Variants in C4orf50 observed in about 807,000 individuals in gnomAD.
C4orf50 encodes uncharacterized protein C4orf50.
In C4orf50, 80 loss-of-function variants were observed where a neutral mutation model predicts 77.2. The ratio of observed to expected loss-of-function variants is 1.04; its 90% confidence interval spans 0.87 to 1.25. The LOEUF is 1.25. C4orf50 is among the 50% of genes most tolerant of loss of function. The pLI is 0.00. For synonymous variants in C4orf50, 532 were observed against 465.3 expected (o/e 1.14, Z -1.84); for missense variants, 1,257 against 1,152.9 (o/e 1.09, Z -1.31).
At chr4:5,911,413 A>T (rs1716802866) in intron 7 of C4orf50, among the ~76,000 whole-genome samples, 1 of 152,186 alleles carries the variant, frequency 6.6e-6, no homozygotes, top group African/African-American at 2.4e-5. Flanking sequence ...TTACAATGAG[A>T]CTTGCTAGAA....
At chr4:5,938,842 T>G (rs1410308786) in intron 7 of C4orf50, among the ~76,000 whole-genome samples, 4 of 152,078 alleles carry the variant, frequency 2.6e-5, no homozygotes, top group South Asian at 2.1e-4. Context: ...TTTTCCACCT[T>G]TGCTTTCCCC....
chr4:5,917,966 C>T (rs576073755), intron 7 of C4orf50, among the ~76,000 whole-genome samples: 3 of 152,056 alleles, frequency 2.0e-5, no homozygotes, highest in Non-Finnish European at 4.4e-5. Flanking sequence ...ATCAGAGAGC[C>T]GGGGACTGGC....
chr4:6,013,927 G>C (rs1368523399), intron 23 of C4orf50, among the ~76,000 whole-genome samples: 1 of 152,044 alleles, frequency 6.6e-6, no homozygotes, highest in Non-Finnish European at 1.5e-5. Context: ...ATATGACATA[G>C]ACAGTGAAGG....
intron 25 of C4orf50, among the ~76,000 whole-genome samples, chr4:5,999,504 C>A (rs1399483224): frequency 6.6e-6 from 1 of 152,218 alleles, no homozygotes; most frequent in Non-Finnish European, 1.5e-5. Flanking sequence ...ACCATTTCCC[C>A]ATTTCTATGC....
At chr4:5,956,239 C>G (rs1212608111), downstream of C4orf50, among the ~76,000 whole-genome samples, 2 of 152,174 alleles carry the variant, frequency 1.3e-5, no homozygotes, top group Non-Finnish European at 2.9e-5. Flanking sequence ...CCAACCCTAC[C>G]TGGGCTTTTG....
chr4:5,918,461 T>G (rs1717125665), intron 7 of C4orf50, among the ~76,000 whole-genome samples: 1 of 152,190 alleles, frequency 6.6e-6, no homozygotes. Flanking sequence ...CCTCCCACAG[T>G]TAAGGATTTG....
At chr4:6,003,359 T>C (rs892872825) in intron 25 of C4orf50, among the ~76,000 whole-genome samples, 2 of 152,104 alleles carry the variant, frequency 1.3e-5, no homozygotes, top group African/African-American at 4.8e-5. Context: ...GTGTAGGTAG[T>C]GAGGGTGATT....
At chr4:5,976,815 G>A (rs1012401917) in intron 29 of C4orf50, among the ~76,000 whole-genome samples, 4 of 152,238 alleles carry the variant, frequency 2.6e-5, no homozygotes, top group Non-Finnish European at 2.9e-5. Context: ...ACTATTAGGC[G>A]CAGATGAAAG....
intron 23 of C4orf50, among the ~76,000 whole-genome samples, chr4:6,012,349 C>A (rs1162060601): frequency 6.6e-6 from 1 of 152,142 alleles, no homozygotes; most frequent in Non-Finnish European, 1.5e-5. Flanking sequence ...GCTACCCTTA[C>A]TTCACACATG....
chr4:5,998,652 C>T (rs1372001283), intron 25 of C4orf50, among the ~76,000 whole-genome samples: 1 of 152,202 alleles, frequency 6.6e-6, no homozygotes, highest in Non-Finnish European at 1.5e-5. Context: ...CATCTCTCTG[C>T]ACGAGCATCT....
chr4:5,960,689 C>T (rs1719224220), intron 33 of C4orf50, among the ~76,000 whole-genome samples: 1 of 152,174 alleles, frequency 6.6e-6, no homozygotes, highest in African/African-American at 2.4e-5. Flanking sequence ...CTGATGAAGC[C>T]TCCAGGACGG....
At chr4:5,933,835 C>A (rs1432284168) in intron 7 of C4orf50, among the ~76,000 whole-genome samples, 2 of 152,070 alleles carry the variant, frequency 1.3e-5, no homozygotes, top group Non-Finnish European at 2.9e-5. Context: ...TAGTGAAGTC[C>A]CCTCCAAGAT....
intron 28 of C4orf50, among the ~76,000 whole-genome samples, chr4:5,982,526 G>A (rs1220376359): frequency 6.6e-6 from 1 of 152,182 alleles, no homozygotes; most frequent in Non-Finnish European, 1.5e-5. Flanking sequence ...AAGCCAGGAG[G>A]CTGTGATGAC....
chr4:5,961,012 C>A (rs1273255087), intron 33 of C4orf50, among the ~76,000 whole-genome samples: 1 of 152,162 alleles, frequency 6.6e-6, no homozygotes, highest in African/African-American at 2.4e-5. Context: ...CAATTCTGTC[C>A]CCTCCTGGAA....
chr4:5,986,324 C>T (rs1720854212), intron 28 of C4orf50, among the ~76,000 whole-genome samples: 1 of 152,152 alleles, frequency 6.6e-6, no homozygotes, highest in South Asian at 2.1e-4. Flanking sequence ...TGAAATAAAA[C>T]TAGAAATCAA....
Position 5,916,743 on chromosome 4 carries a change from T to C in C4orf50, c.*2475-18555A>G, listed in dbSNP as rs147594768. Reference sequence around the variant, plus strand: ...GTACTGAGGTCACTCCTGCAGGAAATAGGGTCACGGCCCCGAGAGCACTTC... The same window carrying C: ...GTACTGAGGTCACTCCTGCAGGAAACAGGGTCACGGCCCCGAGAGCACTTC... On this transcript the variant is annotated intron_variant, in intron 7 of 7. Transcript: ENST00000324058. The surrounding 1 kb of genome is among the most constrained non-coding windows in gnomAD (Gnocchi z 4.4). Among the ~76,000 whole-genome samples the C allele has an allele frequency of 6.6e-5, 10 of 151,826 alleles. No individual in the cohort carries two copies. Among genetic ancestry groups the C allele is most frequent in the African/African-American group, 2.4e-4 (10 of 41,314 alleles).
chr4:6,015,006 T>C lies in C4orf50; in HGVS notation c.288-3038A>G, dbSNP rs1465388476. Among the ~76,000 whole-genome samples, 1 of 152,168 alleles carries C rather than the reference T, an allele frequency of 6.6e-6. No individual in the cohort carries two copies. Among genetic ancestry groups the C allele is most frequent in the Non-Finnish European group, 1.5e-5 (1 of 68,042 alleles). On this transcript the variant is annotated intron_variant, in intron 23 of 33. Coordinates refer to ENST00000531445, the Ensembl canonical transcript of C4orf50. This position sits in a 1 kb window ranked among gnomAD's most constrained non-coding sequence, Gnocchi z 4.4. The stretch of plus-strand genomic sequence containing the variant: ...GGTTGGAGTTCCCTGCCTGTCTTCC[T>C]GGGGTCCATTGATCTTCTGGTTTCC...
exon 28 of C4orf50, chr4:5,988,805 T>C: frequency 6.5e-7 from 1 of 1,536,118 alleles, no homozygotes; most frequent in Non-Finnish European, 8.7e-7. Flanking sequence ...GCCCGGATCA[T>C]GTCTTCTATT....
At chr4:5,948,578 C>T (rs1007173621) in intron 7 of C4orf50, among the ~76,000 whole-genome samples, 16 of 152,268 alleles carry the variant, frequency 1.1e-4, no homozygotes, top group Admixed American at 2.6e-4. Flanking sequence ...AGGCGGATCA[C>T]GAGGTCAGCA....
Sources: gnomAD v4.1 joint callset for allele counts (sites outside exome capture counted in the v4.1 genomes callset) on GRCh38, gnomAD v4.1.1 for gene constraint, Gnocchi (gnomAD v3.1) non-coding constraint, MANE v1.5 for transcripts, NCBI Gene and HGNC (gene_info 2026-07-23, HGNC 2026-07-21) for gene names.